SLIT3: variants seen among roughly 807,000 people sequenced by gnomAD.
SLIT3 encodes the protein slit guidance ligand 3, also known as slit homolog 3 protein.
Under a neutral mutation model 184.0 loss-of-function variants are expected in SLIT3, and 68 were observed. The observed-to-expected ratio is 0.37, with a 90% CI of 0.30 to 0.45. SLIT3 has a LOEUF of 0.45. Among genes scored for constraint, SLIT3 ranks in the 20% least tolerant of loss-of-function variants. The pLI, the probability that SLIT3 is intolerant of heterozygous loss-of-function variation, is 1.00. For synonymous variants in SLIT3, 831 were observed against 828.6 expected, an observed-to-expected ratio of 1.00 and a Z score of -0.05; for missense variants, 1,707 against 2,026.0, an observed-to-expected ratio of 0.84 and a Z score of 3.02.
chr5:168,749,370 A>T, intron 19 of SLIT3, 102 bp downstream of exon 19: 2 of 1,392,704 alleles, frequency 1.4e-6, no homozygotes, highest in Non-Finnish European at 2.0e-6. Context: ...TGCCCAAAGC[A>T]AAGTGGAATT....
chr5:168,815,232 G>C (rs1323154946), intron 8 of SLIT3, among the ~76,000 whole-genome samples: 1 of 152,244 alleles, frequency 6.6e-6, no homozygotes, highest in Non-Finnish European at 1.5e-5. Context: ...TTCCAAAGGA[G>C]AAAGAGTGAG....
intron 2 of SLIT3, among the ~76,000 whole-genome samples, chr5:169,246,219 C>T (rs1455855674): frequency 2.6e-5 from 4 of 152,196 alleles, no homozygotes; most frequent in African/African-American, 9.7e-5. Flanking sequence ...ACTGGTCAGG[C>T]GAGGGTCCCC....
At chr5:168,885,489 C>T (rs953308099) in intron 4 of SLIT3, among the ~76,000 whole-genome samples, 1 of 152,228 alleles carries the variant, frequency 6.6e-6, no homozygotes, top group African/African-American at 2.4e-5. Context: ...GGCCCAGGTC[C>T]TGTCATCTGA....
At chr5:169,070,797 C>CAAAA (rs34764320) in intron 4 of SLIT3, among the ~76,000 whole-genome samples, 2 of 116,068 alleles carry the variant, frequency 1.7e-5, no homozygotes, top group Admixed American at 8.6e-5. Context: ...ACATTTTCCT[C>CAAAA]AAAAAAAAAA....
chr5:168,714,288 C>G (rs371161918), intron 23 of SLIT3, among the ~76,000 whole-genome samples: 79 of 152,256 alleles, frequency 5.2e-4, no homozygotes, highest in African/African-American at 1.8e-3. Context: ...CATAGGCACC[C>G]AGCTTTATTG....
intron 4 of SLIT3, among the ~76,000 whole-genome samples, chr5:169,111,221 C>T (rs1035816949): frequency 6.6e-6 from 1 of 151,996 alleles, no homozygotes; most frequent in African/African-American, 2.4e-5. Flanking sequence ...CTGTGATTGG[C>T]CATATGGACC....
At chr5:168,828,211 C>T (rs1047087928) in intron 6 of SLIT3, among the ~76,000 whole-genome samples, 5 of 152,168 alleles carry the variant, frequency 3.3e-5, no homozygotes, top group Admixed American at 2.6e-4. Flanking sequence ...AGATCAGTCC[C>T]GCTCTTTCTG....
chr5:168,902,766 C>A lies in SLIT3; in HGVS notation c.414-19430G>T, dbSNP rs1760914109. Among the ~76,000 whole-genome samples, 3 of 152,158 alleles carry A rather than the reference C, an allele frequency of 2.0e-5. No individual in the cohort carries two copies. In the East Asian group the frequency reaches 5.8e-4, roughly 29 times the overall value. ...ATCCACTGGTGTAAAGCTTGCTGGG[C>A]AGAGGGGACACTGCACGAGGATTCT... On this transcript the variant is annotated intron_variant, in intron 4 of 35. Transcript: ENST00000519560.
chr5:169,289,558 C>T (rs545381268), intron 1 of SLIT3, among the ~76,000 whole-genome samples: 21 of 152,292 alleles, frequency 1.4e-4, no homozygotes, highest in East Asian at 3.9e-4. Flanking sequence ...GCCATAAAGA[C>T]GAAGTCTGAG....
chr5:168,962,755 G>A (rs766225696), intron 4 of SLIT3, among the ~76,000 whole-genome samples: 13 of 130,210 alleles, frequency 1.0e-4, no homozygotes, highest in Non-Finnish European at 1.7e-4. Context: ...GGGATGAAAG[G>A]TGGGCGCAGT....
chr5:168,822,674 T>C (rs1757571457), intron 7 of SLIT3, among the ~76,000 whole-genome samples: 1 of 152,064 alleles, frequency 6.6e-6, no homozygotes, highest in Non-Finnish European at 1.5e-5. Flanking sequence ...CTGGAAAACT[T>C]AAGCCCACCT....
chr5:168,674,706 G>C (rs556415304), intron 32 of SLIT3, among the ~76,000 whole-genome samples: 2 of 152,006 alleles, frequency 1.3e-5, no homozygotes, highest in South Asian at 4.2e-4. Flanking sequence ...TGGCCAGGCT[G>C]GTCTTGAACT....
chr5:169,111,786 TC>T (rs1186204351), intron 4 of SLIT3, among the ~76,000 whole-genome samples: 1 of 152,166 alleles, frequency 6.6e-6, no homozygotes, highest in African/African-American at 2.4e-5. Context: ...AAGACTTTAT[TC>T]ACTAGAACAG....
At chr5:168,829,027 A>G (rs926667712) in intron 6 of SLIT3, among the ~76,000 whole-genome samples, 7 of 152,164 alleles carry the variant, frequency 4.6e-5, no homozygotes, top group African/African-American at 1.4e-4. Context: ...GAGAGCTCCA[A>G]CTTGGCTTCT....
chr5:168,801,013 C>A (rs1234256195), intron 9 of SLIT3, among the ~76,000 whole-genome samples: 2 of 152,092 alleles, frequency 1.3e-5, no homozygotes, highest in Non-Finnish European at 2.9e-5. Context: ...ATGATGACCC[C>A]CTTTAGGCAA....
chr5:168,845,624 G>GT (rs34481109), intron 5 of SLIT3, among the ~76,000 whole-genome samples: 1,903 of 148,660 alleles, frequency 0.013, 19 homozygotes, highest in African/African-American at 0.025. Flanking sequence ...AGATACCAGG[G>GT]TTTTTTTTTT....
chr5:169,141,198 C>G (rs995928679), intron 4 of SLIT3, among the ~76,000 whole-genome samples: 2 of 152,088 alleles, frequency 1.3e-5, no homozygotes, highest in Non-Finnish European at 2.9e-5. Context: ...TAGGTCTACC[C>G]CGACATGACC....
chr5:169,220,835 A>G (rs548642403), intron 3 of SLIT3, among the ~76,000 whole-genome samples: 3 of 152,326 alleles, frequency 2.0e-5, no homozygotes, highest in Non-Finnish European at 2.9e-5. Context: ...AGCTTGGTGC[A>G]GGTGTCAGCC....
At chr5:169,248,404 T>C (rs1765669552) in intron 2 of SLIT3, among the ~76,000 whole-genome samples, 1 of 152,112 alleles carries the variant, frequency 6.6e-6, no homozygotes. Context: ...CATCGATATT[T>C]GATGAATAAA....
Sources: allele counts gnomAD v4.1 joint callset (sites outside exome capture counted in the v4.1 genomes callset), GRCh38; gene constraint gnomAD v4.1.1; transcripts MANE v1.5; gene names NCBI Gene and HGNC (gene_info 2026-07-23, HGNC 2026-07-21).